Variants in GLT8D2 observed in about 807,000 individuals in gnomAD.
The protein encoded by GLT8D2 is glycosyltransferase 8 domain-containing protein 2.
In GLT8D2, 45 loss-of-function variants were observed where a neutral mutation model predicts 44.5. The observed-to-expected ratio is 1.01, with a 90% confidence interval of 0.80 to 1.30. The LOEUF is 1.30. Ranked by LOEUF, GLT8D2 falls within the 50% of genes most tolerant of loss-of-function variation. The probability of loss-of-function intolerance (pLI) is 0.00; values close to 1 mark genes in which losing one functional copy is unlikely to be tolerated. For missense variants in GLT8D2, 400 were observed against 430.4 expected (o/e 0.93, Z 0.62); for synonymous variants, 156 against 157.2 (o/e 0.99, Z 0.06).
In GLT8D2 at chr12:104,045,892, T is replaced by TAAGAAAGAAAGAAAGAAAGA. The variant is rs34932758; in HGVS notation, c.-164+3983_-164+4002dup. ...GTTAAAAAAGAAAAGAAAAGAAAGA[T>TAAGAAAGAAAGAAAGAAAGA]AAGAAAGAAAGAAAGAAAGAAAGAA... On this transcript the variant is annotated intron_variant, in intron 1 of 10. Transcript: ENST00000360814. Among the ~76,000 whole-genome samples the TAAGAAAGAAAGAAAGAAAGA allele has an allele frequency of 1.1e-3, 120 of 112,142 alleles. 2 individuals are homozygous for TAAGAAAGAAAGAAAGAAAGA. Among genetic ancestry groups the TAAGAAAGAAAGAAAGAAAGA allele is most frequent in the East Asian group, 2.3e-3 (8 of 3,478 alleles). The allele number at this position is 112,142 out of a possible 152,430, so 73.6% of individuals were successfully genotyped here. A position where few individuals can be genotyped will look rare whatever the true frequency, so the allele number is the denominator to read the frequency against.
chr12:104,010,310 T>C (rs912342229), intron 4 of GLT8D2, among the ~76,000 whole-genome samples: 1 of 152,236 alleles, frequency 6.6e-6, no homozygotes, highest in Non-Finnish European at 1.5e-5. Context: ...ACTACTCTTA[T>C]CTCAGTGCCT....
At chr12:104,036,520 G>A (rs113945252) in intron 1 of GLT8D2, among the ~76,000 whole-genome samples, 8 of 151,958 alleles carry the variant, frequency 5.3e-5, no homozygotes, top group East Asian at 1.9e-4. Flanking sequence ...TCCTAGTCTC[G>A]GATAAAACAG....
intron 1 of GLT8D2, among the ~76,000 whole-genome samples, chr12:104,027,766 C>G (rs2136415321): frequency 6.6e-6 from 1 of 152,272 alleles, no homozygotes; most frequent in South Asian, 2.1e-4. Flanking sequence ...GGTTCAGTAA[C>G]TTGCTCAAAA....
intron 1 of GLT8D2, among the ~76,000 whole-genome samples, chr12:104,033,658 C>A (rs1879587762): frequency 6.6e-6 from 1 of 152,038 alleles, no homozygotes; most frequent in Non-Finnish European, 1.5e-5. Flanking sequence ...GTTCTCACTG[C>A]ACATACGCAA....
chr12:104,050,860 G>A (rs886211464), upstream of GLT8D2, among the ~76,000 whole-genome samples: 11 of 149,830 alleles, frequency 7.3e-5, no homozygotes, highest in Non-Finnish European at 1.6e-4. Flanking sequence ...TGTCTCCCAG[G>A]CTAGAGTGCA....
rs549751878 is a variant in GLT8D2, at chr12:104,047,098, T to C, written c.-164+2797A>G. Among the ~76,000 whole-genome samples, 9 of 151,726 alleles carry C rather than the reference T, an allele frequency of 5.9e-5. 1 individual carries two copies. The highest frequency in any genetic ancestry group is 8.8e-5 in the Non-Finnish European group (6 of 67,934). On this transcript the variant is annotated intron_variant, in intron 1 of 10. Transcript: ENST00000360814. ...CCCACCTTACCCTCCCAAAGTGCTG[T>C]GATTACAGGCATGAGCCACCATGCC...
rs181931800 is a variant in GLT8D2, at chr12:104,041,140, G to A, written c.-164+8755C>T. 3.0e-3 allele frequency among the ~76,000 whole-genome samples: 456 copies of A among 151,784 alleles called. 2 individuals are homozygous for A. The highest frequency in any genetic ancestry group is 7.2e-3 in the African/African-American group (300 of 41,402). ...AAATTAGCTGGGTGTGGGGCCAGGC[G>A]TGGTGGCTCACCCCTGTAATCCCAG... is the stretch of plus-strand genomic sequence containing the variant. On this transcript the variant is annotated intron_variant, in intron 1 of 10. Coordinates refer to ENST00000360814, the MANE Select transcript of GLT8D2 (RefSeq NM_001384711.1).
intron 6 of GLT8D2, among the ~76,000 whole-genome samples, chr12:103,997,864 T>C (rs1873662500): frequency 6.6e-6 from 1 of 151,902 alleles, no homozygotes; most frequent in Non-Finnish European, 1.5e-5. Context: ...ATCGCCTGCC[T>C]TTCTCTGTAT....
chr12:103,989,546 A>G lies in GLT8D2; in HGVS notation c.912T>C (p.His304=). The G allele has an allele frequency of 2.5e-6, 4 of 1,613,420 alleles. No individual in the cohort carries two copies. The highest frequency in any genetic ancestry group is 3.4e-6 in the Non-Finnish European group (4 of 1,179,678). ...GGAGTAATTTAGCTTCCTGCAGAAA[A>G]TGCTCCGAATATCTGGCATCTGGAT... is the stretch of plus-strand genomic sequence containing the variant. ...GWNPDARYSE[H]FLQEAKLLHW... The change falls in exon 11 of 11, where the codon CAT becomes CAC. Residue 304 remains histidine, a synonymous_variant. Transcript: ENST00000360814.
Position 103,989,406 on chromosome 12 carries a change from T to C in GLT8D2, c.*2A>G, listed in dbSNP as rs781247503. The C allele has an allele frequency of 1.2e-6, 2 of 1,602,598 alleles. No homozygotes were observed. The highest frequency in any genetic ancestry group is 1.7e-6 in the Non-Finnish European group (2 of 1,175,396). On this transcript the variant is annotated 3_prime_UTR_variant, in exon 11 of 11. Coordinates refer to ENST00000360814, the MANE Select transcript of GLT8D2 (RefSeq NM_001384711.1). The stretch of plus-strand genomic sequence containing the variant: ...AGGGAATATTTTAAGGGTAGAGTTA[T>C]ATCAGCTATGGTGATTGAGTTTAAA...
At chr12:104,048,826 A>G (rs1881431639) in intron 1 of GLT8D2, among the ~76,000 whole-genome samples, 5 of 152,206 alleles carry the variant, frequency 3.3e-5, no homozygotes, top group Admixed American at 2.6e-4. Context: ...ACTACTTTGC[A>G]GGTCCTGTAT....
intron 1 of GLT8D2, among the ~76,000 whole-genome samples, chr12:104,036,076 G>A (rs2136453793): frequency 6.6e-6 from 1 of 151,742 alleles, no homozygotes; most frequent in East Asian, 1.9e-4. Flanking sequence ...ACTAAGTGAA[G>A]GAGAAATAAA....
chr12:103,999,484 TTC>T lies in GLT8D2; in HGVS notation c.313_314del (p.Glu105AsnfsTer4), dbSNP rs763337455. 2.1e-5 allele frequency: 34 copies of T among 1,611,334 alleles called. No homozygotes were observed. Among genetic ancestry groups the T allele is most frequent in the Non-Finnish European group, 5.9e-6 (7 of 1,178,232 alleles). On this transcript the variant is annotated frameshift_variant, in exon 6 of 11. Coordinates refer to ENST00000360814, the MANE Select transcript of GLT8D2 (RefSeq NM_001384711.1). LOFTEE classifies it high-confidence loss of function. The stretch of plus-strand genomic sequence containing the variant: ...TGAATTCCACGATTTTAAAGTTTAT[TTC>T]TCTCAGTTTGGAATGTTCAATCCAT... The part of the protein sequence containing the change: ...RKWIEHSKLR[E>X]INFKIVEFNP...
intron 6 of GLT8D2, among the ~76,000 whole-genome samples, chr12:103,998,651 G>A (rs921740728): frequency 9.9e-5 from 15 of 151,976 alleles, no homozygotes; most frequent in Admixed American, 5.3e-4. Context: ...CTCACGATCC[G>A]CCTGCCTCGG....
chr12:104,022,567 A>C (rs1473129803), intron 1 of GLT8D2, among the ~76,000 whole-genome samples: 1 of 152,182 alleles, frequency 6.6e-6, no homozygotes, highest in Non-Finnish European at 1.5e-5. Flanking sequence ...ACTTATATTG[A>C]ACATATTTAA....
At chr12:103,998,782 AGCAATCCTCCCC>A (rs1490927373) in intron 6 of GLT8D2, among the ~76,000 whole-genome samples, 2 of 152,140 alleles carry the variant, frequency 1.3e-5, no homozygotes. Flanking sequence ...TCTGAGCTCA[AGCAATCCTCCCC>A]GCTCAGCCTC....
intron 1 of GLT8D2, among the ~76,000 whole-genome samples, chr12:104,024,095 A>G (rs1011430966): frequency 1.3e-5 from 2 of 152,182 alleles, no homozygotes; most frequent in African/African-American, 4.8e-5. Flanking sequence ...GAAATTGCCA[A>G]TCTAGGCTGG....
chr12:104,006,967 G>T (rs537860193), intron 4 of GLT8D2, among the ~76,000 whole-genome samples: 1 of 152,224 alleles, frequency 6.6e-6, no homozygotes, highest in East Asian at 1.9e-4. Flanking sequence ...ATAAGATACT[G>T]GTTGTGATTT....
intron 1 of GLT8D2, among the ~76,000 whole-genome samples, chr12:104,045,904 A>AAAGAT (rs1555281878): frequency 1.4e-5 from 2 of 140,628 alleles, no homozygotes; most frequent in Non-Finnish European, 3.1e-5. Flanking sequence ...AGAAAGAAAG[A>AAAGAT]AAGAAAGAAA....
Sources: gnomAD v4.1 joint callset for allele counts (sites outside exome capture counted in the v4.1 genomes callset) on GRCh38, gnomAD v4.1.1 for gene constraint, MANE v1.5 for transcripts, NCBI Gene and HGNC (gene_info 2026-07-23, HGNC 2026-07-21) for gene names.